CDK14: variants seen among roughly 807,000 people sequenced by gnomAD.
CDK14 encodes cyclin-dependent kinase 14.
CDK14 carries 34 observed loss-of-function variants against 60.7 expected under a neutral mutation model. The ratio of observed to expected loss-of-function variants is 0.56; its 90% CI spans 0.43 to 0.75. The LOEUF is 0.75. Ranked by LOEUF, CDK14 falls within the 30% of genes least tolerant of loss-of-function variation. CDK14 has a pLI of 0.00. For missense variants in CDK14, 482 were observed against 564.1 expected (o/e 0.85, Z 1.47); for synonymous variants, 197 against 203.7 (o/e 0.97, Z 0.28).
intron 1 of CDK14, among the ~76,000 whole-genome samples, chr7:90,599,864 G>C (rs990703890): frequency 3.3e-5 from 5 of 152,182 alleles, no homozygotes; most frequent in Non-Finnish European, 7.4e-5. Context: ...TATTGAAAAT[G>C]AGGAAATATT....
intron 2 of CDK14, among the ~76,000 whole-genome samples, chr7:90,623,140 A>G (rs934196075): frequency 6.6e-6 from 1 of 151,548 alleles, no homozygotes; most frequent in Admixed American, 6.6e-5. Context: ...TGTCTTCCGT[A>G]ATCTTTTTTC....
At chr7:90,674,088 A>G (rs1801151695) in intron 2 of CDK14, among the ~76,000 whole-genome samples, 1 of 152,224 alleles carries the variant, frequency 6.6e-6, no homozygotes, top group Non-Finnish European at 1.5e-5. Flanking sequence ...ATAGTGAGAT[A>G]GTCTATTGTT....
intron 2 of CDK14, chr7:90,692,486 C>CT (rs1343007725): frequency 6.6e-6 from 1 of 152,292 alleles, no homozygotes; most frequent in East Asian, 1.9e-4. Flanking sequence ...TATATATTGA[C>CT]TTCTATACAA....
chr7:90,713,433 T>C (rs192357976), intron 2 of CDK14, among the ~76,000 whole-genome samples: 1 of 151,496 alleles, frequency 6.6e-6, no homozygotes. Flanking sequence ...GGGTCTTGCT[T>C]TCTATCCCCC....
intron 12 of CDK14, among the ~76,000 whole-genome samples, chr7:91,108,021 T>A (rs1388723544): frequency 6.6e-6 from 1 of 152,192 alleles, no homozygotes; most frequent in Non-Finnish European, 1.5e-5. Context: ...AAAAGATGCT[T>A]GTTTGTCCAG....
chr7:90,802,861 A>G (rs189247422), intron 5 of CDK14, among the ~76,000 whole-genome samples: 318 of 152,352 alleles, frequency 2.1e-3, no homozygotes, highest in Non-Finnish European at 3.4e-3. Context: ...AAGAAGAGTT[A>G]TCATCTCTTA....
intron 14 of CDK14, among the ~76,000 whole-genome samples, chr7:91,179,469 C>T (rs1228482110): frequency 6.0e-5 from 9 of 149,236 alleles, no homozygotes; most frequent in African/African-American, 1.2e-4. Context: ...CTAACCTGCA[C>T]GATGTGCACA....
chr7:90,737,741 C>T lies in CDK14; in HGVS notation c.370-9940C>T, dbSNP rs531909812. 1.6e-4 allele frequency among the ~76,000 whole-genome samples: 25 copies of T among 152,274 alleles called. No individual in the cohort carries two copies. The South Asian group carries it at 5.0e-3, about 30-fold the overall frequency. On this transcript the variant is annotated intron_variant, in intron 3 of 14. Coordinates refer to ENST00000380050, the MANE Select transcript of CDK14 (RefSeq NM_001287135.2). ...AGCCCAGTCAGGTTTGACTTTAAAT[C>T]CTTATTTAATGGAGTCACGTGGTTC...
intron 13 of CDK14, among the ~76,000 whole-genome samples, chr7:91,113,283 T>C (rs1799522397): frequency 6.6e-6 from 1 of 152,238 alleles, no homozygotes; most frequent in African/African-American, 2.4e-5. Flanking sequence ...GACATGTAAT[T>C]CATTTTAACT....
At chr7:90,973,533 A>G (rs1374511722) in intron 9 of CDK14, among the ~76,000 whole-genome samples, 1 of 152,188 alleles carries the variant, frequency 6.6e-6, no homozygotes, top group Non-Finnish European at 1.5e-5. Flanking sequence ...ATCTACTGAT[A>G]TTGAGCCAAA....
In CDK14 at chr7:90,946,168, G is replaced by C. The variant is rs554514066; in HGVS notation, c.827-9529G>C. ...AAGATACAGACTGTCTTAGATCCTT[G>C]CCTGAATGAAAGCTCTGTGATGATT... On this transcript the variant is annotated intron_variant, in intron 8 of 14. Coordinates refer to ENST00000380050, the MANE Select transcript of CDK14 (RefSeq NM_001287135.2). Among the ~76,000 whole-genome samples the C allele has an allele frequency of 3.3e-5, 5 of 152,262 alleles. No homozygotes were observed. The East Asian group carries it at 9.6e-4, about 29-fold the overall frequency.
chr7:90,654,993 T>C (rs1173194097), intron 2 of CDK14, among the ~76,000 whole-genome samples: 2 of 152,204 alleles, frequency 1.3e-5, no homozygotes, highest in African/African-American at 4.8e-5. Context: ...CATTTCTCCT[T>C]CTCTGCCCTG....
chr7:90,751,610 A>G (rs756577894), intron 4 of CDK14, among the ~76,000 whole-genome samples: 7 of 152,248 alleles, frequency 4.6e-5, no homozygotes, highest in Non-Finnish European at 8.8e-5. Context: ...GCACTATACA[A>G]TAGAAACTAT....
intron 2 of CDK14, among the ~76,000 whole-genome samples, chr7:90,713,855 A>C (rs1802149003): frequency 6.6e-6 from 1 of 151,998 alleles, no homozygotes; most frequent in Admixed American, 6.6e-5. Context: ...TACTTAATTC[A>C]TGTGTGCCTC....
intron 14 of CDK14, among the ~76,000 whole-genome samples, chr7:91,195,880 C>T (rs914105632): frequency 6.6e-6 from 1 of 152,180 alleles, no homozygotes; most frequent in Non-Finnish European, 1.5e-5. Context: ...ACTCCACCAC[C>T]CTCACCTACC....
At chr7:91,090,931 T>C (rs527779819) in intron 12 of CDK14, among the ~76,000 whole-genome samples, 2 of 152,116 alleles carry the variant, frequency 1.3e-5, no homozygotes, top group Non-Finnish European at 2.9e-5. Flanking sequence ...ACTTAGTAAA[T>C]GTGCTAAAAT....
chr7:91,070,164 TC>T (rs1381344727), intron 11 of CDK14, among the ~76,000 whole-genome samples: 3 of 152,212 alleles, frequency 2.0e-5, no homozygotes, highest in African/African-American at 7.2e-5. Context: ...CCTAAAGTGT[TC>T]TCACACTGGT....
At chr7:91,163,985 T>C (rs1315479381) in intron 14 of CDK14, among the ~76,000 whole-genome samples, 1 of 152,160 alleles carries the variant, frequency 6.6e-6, no homozygotes, top group Admixed American at 6.5e-5. Flanking sequence ...TGTGTGGTCA[T>C]ATTGGATTCA....
intron 6 of CDK14, among the ~76,000 whole-genome samples, chr7:90,896,359 T>C (rs528968703): frequency 4.6e-5 from 7 of 152,280 alleles, no homozygotes; most frequent in African/African-American, 1.4e-4. Flanking sequence ...TCTTTCTTCC[T>C]TATTTTCCTC....
Sources: allele counts gnomAD v4.1 joint callset (sites outside exome capture counted in the v4.1 genomes callset), GRCh38; gene constraint gnomAD v4.1.1; transcripts MANE v1.5; gene names NCBI Gene and HGNC (gene_info 2026-07-23, HGNC 2026-07-21).